Variants in STAT3 observed in about 807,000 individuals in gnomAD.
STAT3 encodes the protein DNA-binding protein APRF.
A neutral mutation model predicts 114.3 loss-of-function variants in STAT3; 7 were observed. The observed-to-expected ratio is 0.06, with a 90% CI of 0.03 to 0.11. The LOEUF (loss-of-function observed/expected upper bound fraction) is 0.11, where lower values mean the gene tolerates loss of function less well. STAT3 is among the 10% of genes least tolerant of loss of function. STAT3 has a pLI of 1.00. For missense variants in STAT3, 364 were observed against 960.9 expected, an observed-to-expected ratio of 0.38 and a Z score of 8.21; for synonymous variants, 331 against 354.5, an observed-to-expected ratio of 0.93 and a Z score of 0.74.
intron 1 of STAT3, among the ~76,000 whole-genome samples, chr17:42,351,495 A>G (rs1007650144): frequency 1.3e-5 from 2 of 152,000 alleles, no homozygotes; most frequent in African/African-American, 2.4e-5. Context: ...CCAATGTGCC[A>G]AGAGTATAGG....
In STAT3 at chr17:42,362,034, G is replaced by C. The variant is rs527628393; in HGVS notation, c.-23-13495C>G. 3.0e-4 allele frequency among the ~76,000 whole-genome samples: 45 copies of C among 152,282 alleles called. No individual in the cohort carries two copies. In the South Asian group the frequency reaches 9.1e-3, roughly 31 times the overall value. On this transcript the variant is annotated intron_variant, in intron 1 of 23. Coordinates refer to ENST00000264657, the MANE Select transcript of STAT3 (RefSeq NM_139276.3). ...GTGACTCAGAGAAAGGGAGGAGTAA[G>C]TGACAACCTCCCAGGTTCCTGTGGC...
intron 21 of STAT3, among the ~76,000 whole-genome samples, chr17:42,317,788 G>T (rs1471715732): frequency 6.6e-6 from 1 of 152,198 alleles, no homozygotes; most frequent in Admixed American, 6.5e-5. Context: ...ATGAGGGCAT[G>T]AGTAACTTTC....
intron 1 of STAT3, among the ~76,000 whole-genome samples, chr17:42,382,324 G>A (rs1297643149): frequency 2.0e-5 from 3 of 152,094 alleles, no homozygotes; most frequent in African/African-American, 7.2e-5. Flanking sequence ...TTATTGAATC[G>A]TCAACAGTAC....
intron 21 of STAT3, among the ~76,000 whole-genome samples, chr17:42,318,055 C>T (rs973359525): frequency 6.6e-6 from 1 of 152,064 alleles, no homozygotes; most frequent in African/African-American, 2.4e-5. Flanking sequence ...CAGGTCAAAA[C>T]GATTCTCCTG....
At chr17:42,353,339 C>T (rs2083063372) in intron 1 of STAT3, among the ~76,000 whole-genome samples, 1 of 117,020 alleles carries the variant, frequency 8.5e-6, no homozygotes, top group Non-Finnish European at 1.6e-5. Flanking sequence ...CAGAGTGAGA[C>T]TGCATATCAA....
chr17:42,355,440 G>A lies in STAT3; in HGVS notation c.-23-6901C>T, dbSNP rs186038310. 1.5e-3 allele frequency among the ~76,000 whole-genome samples: 232 copies of A among 152,202 alleles called. 1 individual carries two copies. Among genetic ancestry groups the A allele is most frequent in the African/African-American group, 5.5e-3 (230 of 41,516 alleles). On this transcript the variant is annotated intron_variant, in intron 1 of 23. Transcript: ENST00000264657. ...GAAGACAATTCATTACTCCATATAG[G>A]CTGCCTTAGGACATTATATGGGGCT...
intron 21 of STAT3, among the ~76,000 whole-genome samples, chr17:42,319,420 T>C (rs2081375261): frequency 6.6e-6 from 1 of 151,090 alleles, no homozygotes; most frequent in Non-Finnish European, 1.5e-5. Flanking sequence ...TGCATGTCTG[T>C]AATCCCAGCT....
chr17:42,363,442 A>G (rs2083616019), intron 1 of STAT3, among the ~76,000 whole-genome samples: 1 of 151,832 alleles, frequency 6.6e-6, no homozygotes, highest in African/African-American at 2.4e-5. Context: ...TCTCCAGCCT[A>G]CAGATGACTT....
intron 4 of STAT3, among the ~76,000 whole-genome samples, chr17:42,340,662 C>G (rs530270481): frequency 6.6e-6 from 1 of 152,074 alleles, no homozygotes; most frequent in Non-Finnish European, 1.5e-5. Flanking sequence ...TCTTCCTTTC[C>G]CATGGTCCCT....
intron 14 of STAT3, 32 bp downstream of exon 14, chr17:42,329,378 C>T (rs919222854): frequency 2.3e-5 from 37 of 1,582,502 alleles, no homozygotes; most frequent in Admixed American, 1.5e-4. Context: ...AGGAAAACAC[C>T]CCAGTTGTCT....
chr17:42,369,456 A>G (rs922888762), intron 1 of STAT3, among the ~76,000 whole-genome samples: 3 of 152,060 alleles, frequency 2.0e-5, no homozygotes, highest in African/African-American at 7.2e-5. Flanking sequence ...TCTTTATCCA[A>G]TTTGTCACTG....
At chr17:42,385,828 A>G (rs2085071504) in intron 1 of STAT3, among the ~76,000 whole-genome samples, 1 of 152,204 alleles carries the variant, frequency 6.6e-6, no homozygotes, top group Admixed American at 6.5e-5. Flanking sequence ...ATGCTGACCA[A>G]AAACAGTTCC....
chr17:42,353,347 C>CAAAA (rs10659012), intron 1 of STAT3, among the ~76,000 whole-genome samples: 6 of 80,714 alleles, frequency 7.4e-5, no homozygotes, highest in Non-Finnish European at 1.3e-4. Flanking sequence ...GACTGCATAT[C>CAAAA]AAAAAAAAAA....
chr17:42,341,584 G>A (rs2082445657), intron 4 of STAT3, among the ~76,000 whole-genome samples: 1 of 152,088 alleles, frequency 6.6e-6, no homozygotes, highest in Non-Finnish European at 1.5e-5. Context: ...TTGGTAGCAG[G>A]GATTACATCC....
In STAT3 at chr17:42,338,807, T is replaced by C; in HGVS notation, c.474A>G (p.Leu158=). The C allele has an allele frequency of 6.2e-7, 1 of 1,612,504 alleles. No homozygotes were observed. The highest frequency in any genetic ancestry group is 8.5e-7 in the Non-Finnish European group (1 of 1,179,220). ...TCTCTACCACTTTCATTTTCTGTTC[T>C]AGATCCTGTTTAAAATAAGCAAACA... ...LQDVRKRVQD[L]EQKMKVVENL... Residue 158 remains leucine, a synonymous_variant, in exon 6 of 24, where the codon CTA becomes CTG. Coordinates refer to ENST00000264657, the MANE Select transcript of STAT3 (RefSeq NM_139276.3).
At position 42,324,940 on chromosome 17, in the gene STAT3, A is replaced by G; in HGVS notation, c.1464+23T>C. 2 of 1,614,194 alleles carry G rather than the reference A, an allele frequency of 1.2e-6. No homozygotes were observed. The highest frequency in any genetic ancestry group is 2.2e-5 in the South Asian group (2 of 91,082). ...AAGTCGCAAGAGATCCCGGGGCACC[A>G]ACTAAAAGGAGGGGGCACTAACCTT... On this transcript the variant is annotated intron_variant, in intron 16 of 23. Transcript: ENST00000264657. This position sits in a 1 kb window ranked among gnomAD's most constrained non-coding sequence, Gnocchi z 4.5.
intron 1 of STAT3, among the ~76,000 whole-genome samples, chr17:42,386,515 C>T (rs2085113900): frequency 6.6e-6 from 1 of 152,072 alleles, no homozygotes; most frequent in African/African-American, 2.4e-5. Flanking sequence ...CTTTCTTCCT[C>T]CTTTCCTTTC....
intron 8 of STAT3, among the ~76,000 whole-genome samples, chr17:42,335,403 G>A (rs1162469774): frequency 3.9e-5 from 6 of 152,116 alleles, no homozygotes; most frequent in African/African-American, 1.4e-4. Context: ...TGTTGCCCAG[G>A]CTGGTCTCAA....
intron 22 of STAT3, 57 bp from the exon 23 acceptor site, chr17:42,316,958 A>T: frequency 2.5e-5 from 12 of 481,610 alleles, no homozygotes; most frequent in Non-Finnish European, 3.6e-5. Context: ...GACACAATGG[A>T]AAAAAAAAAA....
Sources: gnomAD v4.1 joint callset for allele counts (sites outside exome capture counted in the v4.1 genomes callset) on GRCh38, gnomAD v4.1.1 for gene constraint, Gnocchi (gnomAD v3.1) non-coding constraint, MANE v1.5 for transcripts, NCBI Gene and HGNC (gene_info 2026-07-23, HGNC 2026-07-21) for gene names.